The following ZNF696 variants were observed in gnomAD, a reference collection of about 807,000 sequenced individuals.
ZNF696 encodes the protein zinc finger protein 696.
ZNF696 carries 10 observed loss-of-function variants against 12.3 expected under a neutral mutation model. The observed-to-expected ratio is 0.81, with a 90% CI of 0.50 to 1.38. The LOEUF (loss-of-function observed/expected upper bound fraction) is 1.38. Among genes scored for constraint, ZNF696 ranks in the 40% most tolerant of loss-of-function variants. The pLI, the probability that ZNF696 is intolerant of heterozygous loss-of-function variation, is 0.00. For synonymous variants in ZNF696, 304 were observed against 243.9 expected, an observed-to-expected ratio of 1.25 and a Z score of -2.29; for missense variants, 675 against 554.7, an observed-to-expected ratio of 1.22 and a Z score of -2.18.
In ZNF696 at chr8:143,296,431, G is replaced by C. The variant is rs542019617; in HGVS notation, c.756G>C (p.Val252=). The change falls in exon 3 of 3, where the codon GTG becomes GTC. Residue 252 remains valine (V), a synonymous_variant. Coordinates refer to ENST00000330143, the MANE Select transcript of ZNF696 (RefSeq NM_030895.3). ...CGKRFLHSSN[V]VRHRRTHHGE... ...AGCGCTTCCTGCACAGCTCGAACGT[G>C]GTCCGGCACCGGCGGACCCACCACG... is the stretch of plus-strand genomic sequence containing the variant. The C allele has an allele frequency of 3.7e-6, 6 of 1,604,090 alleles. No individual in the cohort carries two copies. The African/African-American group carries it at 8.1e-5, about 22-fold the overall frequency.
chr8:143,293,259 C>T lies in ZNF696; in HGVS notation c.64+194C>T, dbSNP rs1815655240. ...TTTGGTGACTGTCTTTGCCAGTGAA[C>T]TGAGAGCTTTTGGTTAGAAAGTCTG... On this transcript the variant is annotated intron_variant, in intron 2 of 2. Coordinates refer to ENST00000330143, the MANE Select transcript of ZNF696 (RefSeq NM_030895.3). 6 of 589,396 alleles carry T rather than the reference C, an allele frequency of 1.0e-5. No homozygotes were observed. The South Asian group carries it at 1.3e-4, about 12-fold the overall frequency. The allele number at this position is 589,396 out of a possible 1,614,324, so 36.5% of individuals were successfully genotyped here.
chr8:143,296,356 C>T lies in ZNF696; in HGVS notation c.681C>T (p.His227=), dbSNP rs1815714014. The T allele has an allele frequency of 3.8e-6, 6 of 1,593,266 alleles. No homozygotes were observed. The South Asian group carries it at 5.6e-5, about 15-fold the overall frequency. ...GCCAGAGGTCGGACGCCGCCAAGCA[C>T]CGCCGCACCCACACCGGGGAGAGGC... ...AFGQRSDAAK[H]RRTHTGERLY... The change falls in exon 3 of 3, where the codon CAC becomes CAT. Residue 227 remains histidine (H), a synonymous_variant. Transcript: ENST00000330143.
Position 143,295,792 on chromosome 8 carries a change from G to C in ZNF696, c.117G>C (p.Glu39Asp), listed in dbSNP as rs1473451988. The C allele has an allele frequency of 6.2e-7, 1 of 1,604,656 alleles. No homozygotes were observed. Among genetic ancestry groups the C allele is most frequent in the Non-Finnish European group, 8.5e-7 (1 of 1,176,852 alleles). Reference sequence around the variant, plus strand: ...CCCCGAGTGGCAGCCGGTCAGCCGAGGTGCAGGCAGCTCAGAGCACGGAGC... The same window carrying C: ...CCCCGAGTGGCAGCCGGTCAGCCGACGTGCAGGCAGCTCAGAGCACGGAGC... ...AQAPSGSRSA[E>D]VQAAQSTEPA... Residue 39 changes from glutamate to aspartate, a missense_variant, in exon 3 of 3, where the codon GAG becomes GAC. Physicochemically the swap from Glu to Asp is conservative, Grantham distance 45. Coordinates refer to ENST00000330143, the MANE Select transcript of ZNF696 (RefSeq NM_030895.3).
chr8:143,293,109 G>T (rs780901180), intron 2 of ZNF696, 44 bp downstream of exon 2: 2 of 1,518,794 alleles, frequency 1.3e-6, no homozygotes, highest in Non-Finnish European at 1.8e-6. Flanking sequence ...TCCAGGGCAG[G>T]AATTGAACAG....
chr8:143,296,863 G>T lies in ZNF696; in HGVS notation c.*63G>T. ...GGGCGCGAGGCCGAGGCCGGGGGAG[G>T]CTCCTGTCCGCCCCGTGCGCGGTGA... On this transcript the variant is annotated 3_prime_UTR_variant, in exon 3 of 3. Transcript: ENST00000330143. The T allele has an allele frequency of 7.5e-7, 1 of 1,329,150 alleles. No homozygotes were observed. Among genetic ancestry groups the T allele is most frequent in the South Asian group, 1.7e-5 (1 of 57,488 alleles). 82.3% of individuals were successfully genotyped at this position (1,329,150 alleles called of 1,614,324 possible).
At chr8:143,294,461 A>G (rs1206159052) in intron 2 of ZNF696, among the ~76,000 whole-genome samples, 3 of 151,422 alleles carry the variant, frequency 2.0e-5, no homozygotes, top group East Asian at 3.9e-4. Flanking sequence ...GCTCACTGCA[A>G]TCTCCACCTC....
Position 143,299,190 on chromosome 8 carries a change from C to T in ZNF696, c.*2390C>T, listed in dbSNP as rs1480304418. The stretch of plus-strand genomic sequence containing the variant: ...AATAAATAAATAAAGGAAAATGAGC[C>T]GAGTGATGGTCTTAGATATAAGATG... On this transcript the variant is annotated 3_prime_UTR_variant, in exon 3 of 3. Transcript: ENST00000330143. Among the ~76,000 whole-genome samples, 1 of 151,590 alleles carries T rather than the reference C, an allele frequency of 6.6e-6. No homozygotes were observed. Among genetic ancestry groups the T allele is most frequent in the African/African-American group, 2.4e-5 (1 of 41,216 alleles).
rs1815709174 is a variant in ZNF696 at position 143,296,214 on chromosome 8, C to A, written c.539C>A (p.Pro180His). 2 of 1,594,510 alleles carry A rather than the reference C, an allele frequency of 1.3e-6. No individual in the cohort carries two copies. Among genetic ancestry groups the A allele is most frequent in the Non-Finnish European group, 8.5e-7 (1 of 1,174,628 alleles). The change falls in exon 3 of 3, where the codon CCC (proline) becomes CAC (histidine). Residue 180 changes from proline (P) to histidine (H), a missense_variant. Pro to His is a moderately conservative substitution (Grantham distance 77). Transcript: ENST00000330143. ...RHQRAHSGER[P>H]YACAECGKAF... The stretch of plus-strand genomic sequence containing the variant: ...CAGCGGGCGCACAGCGGGGAGAGGC[C>A]CTACGCGTGCGCCGAGTGCGGCAAG...
At chr8:143,294,645 C>A (rs1388029800) in intron 2 of ZNF696, among the ~76,000 whole-genome samples, 5 of 151,520 alleles carry the variant, frequency 3.3e-5, no homozygotes, top group Non-Finnish European at 7.4e-5. Context: ...GGATTACAGG[C>A]GTGAGCCACC....
Position 143,296,109 on chromosome 8 carries a change from G to T in ZNF696, c.434G>T (p.Ser145Ile), listed in dbSNP as rs2129739176. The change falls in exon 3 of 3, where the codon AGC becomes ATC. Residue 145 changes from serine to isoleucine, a missense_variant. Physicochemically the swap from Ser to Ile is moderately radical, Grantham distance 142 (BLOSUM62 -2). Transcript: ENST00000330143. ...KCSSDAAKHR[S>I]IHSGEKPYEC... is the part of the protein sequence containing the mutation. The stretch of plus-strand genomic sequence containing the variant: ...TCCTCGGACGCGGCAAAGCACCGGA[G>T]CATCCACTCGGGGGAGAAACCGTAC... 6.2e-7 allele frequency: 1 copy of T among 1,608,384 alleles called. No homozygotes were observed. Among genetic ancestry groups the T allele is most frequent in the African/African-American group, 1.3e-5 (1 of 74,970 alleles).
rs747285069 is a variant in ZNF696 at position 143,296,077 on chromosome 8, C to A, written c.402C>A (p.Phe134Leu). 2 of 1,599,466 alleles carry A rather than the reference C, an allele frequency of 1.3e-6. No homozygotes were observed. The highest frequency in any genetic ancestry group is 1.7e-6 in the Non-Finnish European group (2 of 1,172,524). The change falls in exon 3 of 3, where the codon TTC (phenylalanine) becomes TTA (leucine). Residue 134 changes from phenylalanine (F) to leucine (L), a missense_variant. Transcript: ENST00000330143. Reference protein sequence around the residue: ...PFPCGACGRSFKCSSDAAKHR... With the variant: ...PFPCGACGRSLKCSSDAAKHR... ...CGTGCGGCGCCTGTGGCCGCAGCTT[C>A]AAGTGCTCCTCGGACGCGGCAAAGC...
chr8:143,295,785 C>G lies in ZNF696; in HGVS notation c.110C>G (p.Ser37Ter). 1 of 1,604,440 alleles carries G rather than the reference C, an allele frequency of 6.2e-7. No individual in the cohort carries two copies. The highest frequency in any genetic ancestry group is 8.5e-7 in the Non-Finnish European group (1 of 1,176,764). Reference protein sequence around the residue: ...FLAQAPSGSRSAEVQAAQSTE... With the variant: ...FLAQAPSGSR ...GCGCAGGCCCCGAGTGGCAGCCGGT[C>G]AGCCGAGGTGCAGGCAGCTCAGAGC... The change falls in exon 3 of 3, where the codon TCA becomes TGA. Residue 37 changes from serine (S) to a stop codon, truncating the protein, a stop_gained. Coordinates refer to ENST00000330143, the MANE Select transcript of ZNF696 (RefSeq NM_030895.3). LOFTEE classifies it low-confidence loss of function (END_TRUNC).
chr8:143,292,440 G>GTTTTT (rs35335113), intron 1 of ZNF696, among the ~76,000 whole-genome samples: 10,914 of 145,196 alleles, frequency 0.075, 521 homozygotes, highest in Admixed American at 0.1. Flanking sequence ...TCCCTTTTTG[G>GTTTTT]TTTTTTTTTT....
chr8:143,297,259 G>C lies in ZNF696; in HGVS notation c.*459G>C, dbSNP rs1815737843. 6.1e-6 allele frequency: 1 copy of C among 164,538 alleles called. No individual in the cohort carries two copies. Among genetic ancestry groups the C allele is most frequent in the African/African-American group, 2.4e-5 (1 of 41,920 alleles). The allele number at this position is 164,538 out of a possible 1,614,324, so 10.2% of individuals were successfully genotyped here. A position where few individuals can be genotyped will look rare whatever the true frequency, so the allele number is the denominator to read the frequency against. On this transcript the variant is annotated 3_prime_UTR_variant, in exon 3 of 3. Coordinates refer to ENST00000330143, the MANE Select transcript of ZNF696 (RefSeq NM_030895.3). ...CCCAGACAGGGCATGGAAGCCTCGCGTCCTCCCCCGTACCTTGCGGGTCGG... is the reference window on the plus strand; with the variant it reads ...CCCAGACAGGGCATGGAAGCCTCGCCTCCTCCCCCGTACCTTGCGGGTCGG...
In ZNF696 at chr8:143,299,449, TC is replaced by T. The variant is rs1262522877; in HGVS notation, c.*2650del. On this transcript the variant is annotated 3_prime_UTR_variant, in exon 3 of 3. Transcript: ENST00000330143. ...TAAAAGAGTGTAACCAGTCTATACA[TC>T]TCTAATCCAATAAAAAGAATAAAAC... Among the ~76,000 whole-genome samples, 5 of 152,144 alleles carry T rather than the reference TC, an allele frequency of 3.3e-5. No individual in the cohort carries two copies. The highest frequency in any genetic ancestry group is 7.4e-5 in the Non-Finnish European group (5 of 68,024).
intron 2 of ZNF696, 47 bp from the exon 3 acceptor site, chr8:143,295,693 C>CA: frequency 1.3e-6 from 2 of 1,492,128 alleles, no homozygotes; most frequent in South Asian, 1.3e-5. Flanking sequence ...ACCCTCGACT[C>CA]ACGTTCTCTT....
Position 143,296,471 on chromosome 8 carries a change from G to A in ZNF696, c.796G>A (p.Glu266Lys), listed in dbSNP as rs759709876. 1.9e-6 allele frequency: 3 copies of A among 1,608,126 alleles called. No individual in the cohort carries two copies. The East Asian group carries it at 6.7e-5, about 36-fold the overall frequency. ...RRTHHGENPY[E>K]CRECGQAFSQ... ...GACCCACCACGGGGAGAACCCGTAC[G>A]AGTGCCGGGAGTGCGGCCAGGCCTT... The change falls in exon 3 of 3, where the codon GAG becomes AAG. Residue 266 changes from glutamate to lysine, a missense_variant. Coordinates refer to ENST00000330143, the MANE Select transcript of ZNF696 (RefSeq NM_030895.3).
At chr8:143,294,931 A>AT (rs1441941982) in intron 2 of ZNF696, among the ~76,000 whole-genome samples, 1 of 152,052 alleles carries the variant, frequency 6.6e-6, no homozygotes, top group Non-Finnish European at 1.5e-5. Flanking sequence ...TCTACAAAAA[A>AT]TTTTTAAAAT....
intron 1 of ZNF696, 55 bp from the exon 2 acceptor site, chr8:143,292,917 G>T: frequency 6.7e-7 from 1 of 1,489,652 alleles, no homozygotes; most frequent in Non-Finnish European, 9.1e-7. Flanking sequence ...ACTGCCCCTG[G>T]CCCCTGTACC....
Sources: allele counts gnomAD v4.1 joint callset (sites outside exome capture counted in the v4.1 genomes callset), GRCh38; gene constraint gnomAD v4.1.1; transcripts MANE v1.5; gene names NCBI Gene and HGNC (gene_info 2026-07-23, HGNC 2026-07-21).